ACOXL: variants seen among roughly 807,000 people sequenced by gnomAD.
ACOXL encodes the protein acyl-coenzyme A oxidase-like protein.
A neutral mutation model predicts 71.9 loss-of-function variants in ACOXL; 70 were observed. The observed-to-expected ratio is 0.97, with a 90% confidence interval of 0.80 to 1.19. The LOEUF is 1.19. ACOXL is among the 50% of genes most tolerant of loss of function. ACOXL has a pLI of 0.00. For synonymous variants in ACOXL, 253 were observed against 281.6 expected (o/e 0.90, Z 1.02); for missense variants, 703 against 736.3 (o/e 0.95, Z 0.52).
At chr2:110,947,981 C>T (rs1161269668) in intron 12 of ACOXL, among the ~76,000 whole-genome samples, 4 of 152,248 alleles carry the variant, frequency 2.6e-5, no homozygotes, top group African/African-American at 9.6e-5. Context: ...TGTCACCGTG[C>T]CCTCAGGGCC....
chr2:110,869,778 C>T (rs1695043900), intron 10 of ACOXL, among the ~76,000 whole-genome samples: 1 of 152,250 alleles, frequency 6.6e-6, no homozygotes, highest in South Asian at 2.1e-4. Context: ...GGAGAGCTGC[C>T]ACTGCCCCTT....
intron 9 of ACOXL, among the ~76,000 whole-genome samples, chr2:110,829,631 C>T (rs1481960271): frequency 6.6e-6 from 1 of 152,184 alleles, no homozygotes; most frequent in Non-Finnish European, 1.5e-5. Context: ...TTCTGTGGTA[C>T]TCTTGTCTAG....
intron 8 of ACOXL, among the ~76,000 whole-genome samples, chr2:110,802,364 A>G (rs1375836202): frequency 3.3e-5 from 5 of 152,226 alleles, no homozygotes; most frequent in African/African-American, 1.2e-4. Flanking sequence ...AGAAACACCA[A>G]TTACTTTTAA....
rs145296079 is a variant in ACOXL, at chr2:110,850,018, A to G, written c.788+8613A>G. Among the ~76,000 whole-genome samples, 19 of 152,352 alleles carry G rather than the reference A, an allele frequency of 1.2e-4. No homozygotes were observed. In the East Asian group the frequency reaches 3.7e-3, roughly 29 times the overall value. ...AAAATGATTCAGTGGAGAAAGGATA[A>G]TCTTTTAAATAAATGGAGCAATTGG... On this transcript the variant is annotated intron_variant, in intron 10 of 17. Coordinates refer to ENST00000439055, the MANE Select transcript of ACOXL (RefSeq NM_001142807.4).
At chr2:110,739,327 G>A (rs1677229973) in intron 1 of ACOXL, among the ~76,000 whole-genome samples, 1 of 152,216 alleles carries the variant, frequency 6.6e-6, no homozygotes, top group Non-Finnish European at 1.5e-5. Flanking sequence ...CTGAGAGGTG[G>A]ATGGGTGGAG....
intron 9 of ACOXL, among the ~76,000 whole-genome samples, chr2:110,830,560 G>A (rs1262392353): frequency 6.6e-6 from 1 of 151,456 alleles, no homozygotes; most frequent in African/African-American, 2.4e-5. Context: ...TTGAGACAGA[G>A]TCTTGGTTTG....
At chr2:111,072,380 A>G (rs2067383348) in intron 16 of ACOXL, among the ~76,000 whole-genome samples, 1 of 152,158 alleles carries the variant, frequency 6.6e-6, no homozygotes, top group African/African-American at 2.4e-5. Flanking sequence ...ACTCCGCATG[A>G]TGTCTTTGAG....
intron 17 of ACOXL, among the ~76,000 whole-genome samples, chr2:111,105,075 A>T (rs2069443220): frequency 6.6e-6 from 1 of 152,044 alleles, no homozygotes; most frequent in Non-Finnish European, 1.5e-5. Flanking sequence ...AATTGCTCCA[A>T]TACTAGTAGT....
intron 10 of ACOXL, among the ~76,000 whole-genome samples, chr2:110,866,606 G>A (rs376376639): frequency 3.9e-5 from 6 of 152,044 alleles, no homozygotes; most frequent in East Asian, 3.9e-4. Context: ...CAGGGGAGGC[G>A]CCAGTGGAGG....
rs146433295 is a variant in ACOXL at position 111,040,381 on chromosome 2, T to G, written c.1369+8667T>G. 8.9e-4 allele frequency among the ~76,000 whole-genome samples: 136 copies of G among 152,348 alleles called. 1 individual carries two copies. Among genetic ancestry groups the G allele is most frequent in the African/African-American group, 3.1e-3 (128 of 41,582 alleles). ...CTTGTAACTATGGAGCTGCCCCTCC[T>G]GAATCTGACATCTACTCAGTTATCC... On this transcript the variant is annotated intron_variant, in intron 15 of 17. Coordinates refer to ENST00000439055, the MANE Select transcript of ACOXL (RefSeq NM_001142807.4).
intron 12 of ACOXL, among the ~76,000 whole-genome samples, chr2:110,949,651 A>T (rs192688006): frequency 2.0e-3 from 303 of 152,040 alleles, no homozygotes; most frequent in African/African-American, 6.0e-3. Flanking sequence ...ATTTTTTTTT[A>T]AAAAAATCAT....
chr2:110,818,519 G>A lies in ACOXL; in HGVS notation c.753+13124G>A, dbSNP rs113731840. 2.8e-3 allele frequency among the ~76,000 whole-genome samples: 19 copies of A among 6,854 alleles called. 1 individual carries two copies. In the South Asian group the frequency reaches 0.29, roughly 103 times the overall value. 4.5% of individuals were successfully genotyped at this position (6,854 alleles called of 152,430 possible). On this transcript the variant is annotated intron_variant, in intron 9 of 17. Coordinates refer to ENST00000439055, the MANE Select transcript of ACOXL (RefSeq NM_001142807.4). ...TGTATGTGTATATATATATGTGTATGTGTGTATATATATATGTGTATAAGT... is the reference window on the plus strand; with the variant it reads ...TGTATGTGTATATATATATGTGTATATGTGTATATATATATGTGTATAAGT...
At chr2:110,775,306 G>A (rs535457733) in intron 2 of ACOXL, among the ~76,000 whole-genome samples, 3 of 152,156 alleles carry the variant, frequency 2.0e-5, no homozygotes, top group South Asian at 4.2e-4. Context: ...TTTGAAAAAC[G>A]TAGATACATT....
rs563328362 is a variant in ACOXL, at chr2:110,823,267, G to C, written c.753+17872G>C. 5.3e-5 allele frequency among the ~76,000 whole-genome samples: 8 copies of C among 150,194 alleles called. No individual in the cohort carries two copies. In the South Asian group the frequency reaches 1.3e-3, roughly 24 times the overall value. On this transcript the variant is annotated intron_variant, in intron 9 of 17. Transcript: ENST00000439055. The stretch of plus-strand genomic sequence containing the variant: ...CTCCATCTCAAAAAAAAAAAAAAAA[G>C]ATTCATCTATGTTTTTTCATGACTG...
At chr2:110,919,648 G>A (rs1376478798) in intron 11 of ACOXL, among the ~76,000 whole-genome samples, 2 of 151,920 alleles carry the variant, frequency 1.3e-5, no homozygotes, top group Admixed American at 6.6e-5. Context: ...AGACAAAATT[G>A]TCTACCACTT....
intron 13 of ACOXL, among the ~76,000 whole-genome samples, chr2:110,994,574 T>C (rs150449635): frequency 0.015 from 2,220 of 152,184 alleles, 28 homozygotes; most frequent in Non-Finnish European, 0.023. Flanking sequence ...AATTAACCCT[T>C]CCCCTGGTTG....
At chr2:111,075,060 C>T (rs926579872) in intron 16 of ACOXL, among the ~76,000 whole-genome samples, 22 of 152,022 alleles carry the variant, frequency 1.4e-4, no homozygotes, top group Admixed American at 5.2e-4. Context: ...TCTTCCTGTA[C>T]GATCTTTGCC....
At chr2:110,822,453 TC>T (rs1374187239) in intron 9 of ACOXL, among the ~76,000 whole-genome samples, 1 of 152,152 alleles carries the variant, frequency 6.6e-6, no homozygotes, top group African/African-American at 2.4e-5. Context: ...TAACTCATAT[TC>T]CATGCAAACA....
intron 3 of ACOXL, 81 bp from the exon 4 acceptor site, chr2:110,793,569 G>A (rs566112146): frequency 7.6e-7 from 1 of 1,317,122 alleles, no homozygotes; most frequent in Admixed American, 1.7e-5. Flanking sequence ...GCTGCTCCCT[G>A]ATTGGAGTTT....
Sources: gnomAD v4.1 joint callset for allele counts (sites outside exome capture counted in the v4.1 genomes callset) on GRCh38, gnomAD v4.1.1 for gene constraint, MANE v1.5 for transcripts, NCBI Gene and HGNC (gene_info 2026-07-23, HGNC 2026-07-21) for gene names.